The following GPHN variants were observed in gnomAD, a reference collection of about 807,000 sequenced individuals.
GPHN encodes the protein gephyrin.
GPHN carries 17 observed loss-of-function variants against 95.5 expected under a neutral mutation model. The ratio of observed to expected loss-of-function variants is 0.18; its 90% CI spans 0.12 to 0.27. The LOEUF is 0.27. GPHN is among the 10% of genes least tolerant of loss of function. The probability of loss-of-function intolerance (pLI) is 1.00; values close to 1 mark genes in which losing one functional copy is unlikely to be tolerated. For missense variants in GPHN, 660 were observed against 978.1 expected (o/e 0.67, Z 4.34); for synonymous variants, 320 against 322.5 (o/e 0.99, Z 0.08).
At chr14:67,302,415 T>C in the GPHN span, 22 of 1,583,390 alleles carry the variant, frequency 1.4e-5, no homozygotes, top group African/African-American at 2.7e-5. Context: ...TTTAGGGTGC[T>C]ACAGTTCGTA....
the GPHN span, among the ~76,000 whole-genome samples, chr14:67,700,011 G>A: frequency 7.9e-5 from 12 of 152,040 alleles, 1 homozygote; most frequent in Non-Finnish European, 1.6e-4. Flanking sequence ...GTGGTGGTGC[G>A]CACCTGTAGT....
intron 15 of GPHN, 87 bp downstream of exon 15, chr14:67,112,006 A>G: frequency 9.9e-7 from 1 of 1,006,202 alleles, no homozygotes; most frequent in Non-Finnish European, 1.6e-6. Flanking sequence ...ATAAATCTGC[A>G]GCCATGTCAG....
intron 17 of GPHN, among the ~76,000 whole-genome samples, chr14:67,141,449 TAGC>T (rs893400014): frequency 4.1e-4 from 63 of 152,348 alleles, no homozygotes; most frequent in African/African-American, 1.3e-3. Context: ...CTTGTTAACA[TAGC>T]AGCAATAGTA....
At chr14:67,727,626 G>T in the GPHN span, 1 of 222,932 alleles carries the variant, frequency 4.5e-6, no homozygotes, top group Admixed American at 5.3e-5. Flanking sequence ...GGGATTACAA[G>T]CACGCAATAT....
intron 4 of GPHN, among the ~76,000 whole-genome samples, chr14:66,849,381 T>G (rs2062482772): frequency 6.6e-6 from 1 of 152,066 alleles, no homozygotes. Flanking sequence ...ATACTTCTAA[T>G]GATCACTTTA....
In GPHN at chr14:66,866,928, T is replaced by C. The variant is rs77100126; in HGVS notation, c.295-13011T>C. Among the ~76,000 whole-genome samples, 468 of 152,276 alleles carry C rather than the reference T, an allele frequency of 3.1e-3. 11 individuals are homozygous for C. Among genetic ancestry groups the C allele is most frequent in the African/African-American group, 0.011 (443 of 41,570 alleles). On this transcript the variant is annotated intron_variant, in intron 4 of 22. Transcript: ENST00000478722. ...ATGCTCACTGCAAAGTATATGTTCATTGAATGGAATGGAAAACAAAATGCC... is the reference window on the plus strand; with the variant it reads ...ATGCTCACTGCAAAGTATATGTTCACTGAATGGAATGGAAAACAAAATGCC...
At chr14:67,103,884 T>G (rs2077879734) in intron 13 of GPHN, among the ~76,000 whole-genome samples, 2 of 152,166 alleles carry the variant, frequency 1.3e-5, no homozygotes, top group Non-Finnish European at 2.9e-5. Context: ...CTAATTGTTC[T>G]GGCTGGGACT....
the GPHN span, among the ~76,000 whole-genome samples, chr14:67,556,168 G>A: frequency 1.3e-5 from 2 of 152,222 alleles, no homozygotes; most frequent in East Asian, 3.8e-4. Flanking sequence ...CGTGGAACCT[G>A]TCCATTGAGG....
At chr14:66,914,639 A>G (rs192841412) in intron 5 of GPHN, among the ~76,000 whole-genome samples, 2 of 152,100 alleles carry the variant, frequency 1.3e-5, no homozygotes, top group African/African-American at 2.4e-5. Flanking sequence ...AGCTAATACT[A>G]TATTCTACGA....
At chr14:66,535,643 A>G (rs549609616) in intron 1 of GPHN, among the ~76,000 whole-genome samples, 1 of 152,034 alleles carries the variant, frequency 6.6e-6, no homozygotes, top group African/African-American at 2.4e-5. Flanking sequence ...TTTCAGCAGT[A>G]TTTTTTGGTT....
the GPHN span, chr14:67,334,334 T>C: frequency 6.6e-6 from 1 of 152,656 alleles, no homozygotes; most frequent in African/African-American, 2.4e-5. Context: ...TTTGCAGTCT[T>C]TTCAAGCCTT....
chr14:67,468,407 G>T, the GPHN span, among the ~76,000 whole-genome samples: 2 of 152,186 alleles, frequency 1.3e-5, no homozygotes, highest in African/African-American at 4.8e-5. Context: ...CAGGCACCCA[G>T]GAAGACCAGG....
chr14:66,678,731 A>C (rs1274438848), intron 1 of GPHN, among the ~76,000 whole-genome samples: 3 of 152,076 alleles, frequency 2.0e-5, no homozygotes, highest in Non-Finnish European at 2.9e-5. Context: ...TTTTTTAGGT[A>C]AACTTTTTTC....
chr14:67,291,473 C>T, the GPHN span, among the ~76,000 whole-genome samples: 423 of 152,150 alleles, frequency 2.8e-3, 2 homozygotes, highest in African/African-American at 9.6e-3. Context: ...TTAATAGAGA[C>T]GGGGTTTTAC....
At chr14:67,118,962 T>A (rs1373867880) in intron 16 of GPHN, among the ~76,000 whole-genome samples, 1 of 152,098 alleles carries the variant, frequency 6.6e-6, no homozygotes, top group Non-Finnish European at 1.5e-5. Flanking sequence ...GTCATAAGAT[T>A]TTTATGAGGG....
At chr14:66,734,866 G>T (rs2072116740) in intron 2 of GPHN, among the ~76,000 whole-genome samples, 1 of 152,124 alleles carries the variant, frequency 6.6e-6, no homozygotes, top group African/African-American at 2.4e-5. Flanking sequence ...AAAGGATAAG[G>T]ACTCATACAC....
At chr14:66,752,760 A>G (rs1442400644) in intron 2 of GPHN, among the ~76,000 whole-genome samples, 4 of 152,042 alleles carry the variant, frequency 2.6e-5, no homozygotes, top group Non-Finnish European at 4.4e-5. Flanking sequence ...CTTCCTTGAC[A>G]TGGGTTGCCA....
At chr14:67,427,729 C>G in the GPHN span, among the ~76,000 whole-genome samples, 1 of 152,140 alleles carries the variant, frequency 6.6e-6, no homozygotes, top group South Asian at 2.1e-4. Context: ...CGGGGACACT[C>G]ATACTTAGGA....
At chr14:66,579,264 G>A (rs1566636354) in intron 1 of GPHN, among the ~76,000 whole-genome samples, 1 of 151,716 alleles carries the variant, frequency 6.6e-6, no homozygotes, top group Non-Finnish European at 1.5e-5. Context: ...AATTACAAAG[G>A]AAGACAGGTA....
Sources: gnomAD v4.1 joint callset for allele counts (sites outside exome capture counted in the v4.1 genomes callset) on GRCh38, gnomAD v4.1.1 for gene constraint, MANE v1.5 for transcripts, NCBI Gene and HGNC (gene_info 2026-07-23, HGNC 2026-07-21) for gene names.